Variants in KCNIP4 observed in about 807,000 individuals in gnomAD.
KCNIP4 encodes Kv channel-interacting protein 4.
In KCNIP4, 12 loss-of-function variants were observed where a neutral mutation model predicts 34.0. The ratio of observed to expected loss-of-function variants is 0.35; its 90% CI spans 0.23 to 0.57. The LOEUF (loss-of-function observed/expected upper bound fraction) is 0.57. Ranked by LOEUF, KCNIP4 falls within the 20% of genes least tolerant of loss-of-function variation. KCNIP4 has a pLI of 0.83. For synonymous variants in KCNIP4, 124 were observed against 102.2 expected (o/e 1.21, Z -1.29); for missense variants, 238 against 311.7 (o/e 0.76, Z 1.78).
chr4:20,968,473 C>A (rs1297395815), intron 1 of KCNIP4, among the ~76,000 whole-genome samples: 1 of 152,122 alleles, frequency 6.6e-6, no homozygotes, highest in Non-Finnish European at 1.5e-5. Flanking sequence ...AAGACACATG[C>A]ACACATATGT....
At chr4:21,821,663 C>A (rs1220459367) in intron 1 of KCNIP4, among the ~76,000 whole-genome samples, 1 of 152,090 alleles carries the variant, frequency 6.6e-6, no homozygotes, top group African/African-American at 2.4e-5. Flanking sequence ...GCAAGTAACT[C>A]AATTTCAGGC....
intron 3 of KCNIP4, among the ~76,000 whole-genome samples, chr4:20,816,064 C>A (rs375460305): frequency 3.2e-4 from 48 of 152,104 alleles, no homozygotes; most frequent in African/African-American, 8.9e-4. Flanking sequence ...GCCTGGCCAA[C>A]ATGGCGAAAC....
intron 3 of KCNIP4, among the ~76,000 whole-genome samples, chr4:20,798,229 T>G (rs1713735682): frequency 6.6e-6 from 1 of 152,370 alleles, no homozygotes; most frequent in South Asian, 2.1e-4. Context: ...CATTATTTAC[T>G]GTTCCTAAAC....
chr4:20,936,583 C>T (rs1392856537), intron 1 of KCNIP4, among the ~76,000 whole-genome samples: 1 of 152,008 alleles, frequency 6.6e-6, no homozygotes, highest in East Asian at 1.9e-4. Context: ...TTCCAAAATT[C>T]TAATCTACCA....
intron 3 of KCNIP4, among the ~76,000 whole-genome samples, chr4:20,806,841 G>T (rs10002199): frequency 0.46 from 70,530 of 151,796 alleles, 16,840 homozygotes; most frequent in Admixed American, 0.56. Flanking sequence ...GAAACAAGGG[G>T]TATGGATGTG....
chr4:21,268,099 A>C (rs1362908307), intron 1 of KCNIP4, among the ~76,000 whole-genome samples: 1 of 152,210 alleles, frequency 6.6e-6, no homozygotes, highest in Non-Finnish European at 1.5e-5. Flanking sequence ...TCCTGTGTAC[A>C]ATATAACAAC....
chr4:21,146,255 A>G (rs2043384), intron 1 of KCNIP4, among the ~76,000 whole-genome samples: 54,070 of 151,668 alleles, frequency 0.36, 9,797 homozygotes, highest in African/African-American at 0.42. Context: ...AAAATTAGCC[A>G]GGCGTGGTGG....
intron 1 of KCNIP4, among the ~76,000 whole-genome samples, chr4:21,528,676 A>G (rs1177126698): frequency 3.7e-4 from 1 of 2,686 alleles, no homozygotes. Context: ...CATAAAAAAC[A>G]AAGAAAGAAA....
chr4:20,815,761 G>T (rs1425213108), intron 3 of KCNIP4, among the ~76,000 whole-genome samples: 1 of 152,152 alleles, frequency 6.6e-6, no homozygotes, highest in Non-Finnish European at 1.5e-5. Context: ...CTAACATTTA[G>T]ACGGTAGCAT....
At chr4:21,056,379 C>T (rs142522900) in intron 1 of KCNIP4, among the ~76,000 whole-genome samples, 15 of 152,210 alleles carry the variant, frequency 9.9e-5, no homozygotes, top group South Asian at 2.1e-4. Context: ...CCAGATTATC[C>T]GCCTCCATGA....
chr4:21,206,773 A>G (rs559072996), intron 1 of KCNIP4, among the ~76,000 whole-genome samples: 1 of 152,332 alleles, frequency 6.6e-6, no homozygotes, highest in South Asian at 2.1e-4. Context: ...CATTTTACAG[A>G]AAAGAAAACT....
chr4:21,022,645 A>G (rs868332758), intron 1 of KCNIP4, among the ~76,000 whole-genome samples: 1 of 152,232 alleles, frequency 6.6e-6, no homozygotes, highest in Non-Finnish European at 1.5e-5. Flanking sequence ...GAAATAGTAT[A>G]TTAACAATAA....
chr4:21,811,876 TTGTCA>T (rs1286810671), intron 1 of KCNIP4, among the ~76,000 whole-genome samples: 1 of 152,182 alleles, frequency 6.6e-6, no homozygotes, highest in Non-Finnish European at 1.5e-5. Flanking sequence ...TGAGAATCCC[TTGTCA>T]TGGTTACAAA....
intron 1 of KCNIP4, among the ~76,000 whole-genome samples, chr4:21,526,804 T>G (rs1166314187): frequency 6.6e-6 from 1 of 152,190 alleles, no homozygotes; most frequent in East Asian, 1.9e-4. Flanking sequence ...TAAAGAACGC[T>G]GAGAGCACTC....
At chr4:21,337,323 T>C (rs886584402) in intron 1 of KCNIP4, among the ~76,000 whole-genome samples, 11 of 152,180 alleles carry the variant, frequency 7.2e-5, no homozygotes, top group Middle Eastern at 3.2e-3. Context: ...CAGATAGTCA[T>C]TTTATTTTCA....
intron 1 of KCNIP4, among the ~76,000 whole-genome samples, chr4:20,912,248 T>G (rs1728394887): frequency 6.6e-6 from 1 of 152,152 alleles, no homozygotes; most frequent in African/African-American, 2.4e-5. Context: ...GAAGCAAAAT[T>G]ATCTCCATTT....
intron 1 of KCNIP4, among the ~76,000 whole-genome samples, chr4:21,121,547 G>A (rs1453136246): frequency 1.3e-5 from 2 of 152,192 alleles, no homozygotes; most frequent in Non-Finnish European, 2.9e-5. Flanking sequence ...GCAGCATCTT[G>A]TAATGAAGTC....
At chr4:21,473,322 A>G (rs1296087755) in intron 1 of KCNIP4, among the ~76,000 whole-genome samples, 1 of 152,194 alleles carries the variant, frequency 6.6e-6, no homozygotes, top group Non-Finnish European at 1.5e-5. Context: ...CAAATTCTCT[A>G]TCGGGAACTG....
intron 1 of KCNIP4, among the ~76,000 whole-genome samples, chr4:21,516,429 C>A (rs1263534575): frequency 6.6e-6 from 1 of 152,118 alleles, no homozygotes; most frequent in Non-Finnish European, 1.5e-5. Context: ...CCACTGAAAA[C>A]TAATGAAAGG....
Sources: gnomAD v4.1 joint callset for allele counts (sites outside exome capture counted in the v4.1 genomes callset) on GRCh38, gnomAD v4.1.1 for gene constraint, MANE v1.5 for transcripts, NCBI Gene and HGNC (gene_info 2026-07-23, HGNC 2026-07-21) for gene names.